The following ACOX1 variants were observed in gnomAD, a reference collection of about 807,000 sequenced individuals.
ACOX1 encodes acyl-CoA oxidase 1.
Under a neutral mutation model 75.5 loss-of-function variants are expected in ACOX1, and 41 were observed. The ratio of observed to expected loss-of-function variants is 0.54; its 90% CI spans 0.42 to 0.70. The LOEUF (loss-of-function observed/expected upper bound fraction) is 0.70, where lower values mean the gene tolerates loss of function less well. ACOX1 is among the 30% of genes least tolerant of loss of function. The probability of loss-of-function intolerance (pLI) is 0.00; values close to 1 mark genes in which losing one functional copy is unlikely to be tolerated. For synonymous variants in ACOX1, 303 were observed against 298.8 expected (o/e 1.01, Z -0.15); for missense variants, 630 against 837.5 (o/e 0.75, Z 3.06).
chr17:75,954,520 CAAAAA>C (rs1166502215), intron 6 of ACOX1, among the ~76,000 whole-genome samples: 1 of 57,650 alleles, frequency 1.7e-5, no homozygotes, highest in Non-Finnish European at 3.2e-5. Flanking sequence ...CTCTCTCTCT[CAAAAA>C]AAAAAAAAAG....
rs955751549 is a variant in ACOX1, at chr17:75,946,660, T to C, written c.*88A>G. 2 of 1,101,336 alleles carry C rather than the reference T, an allele frequency of 1.8e-6. No individual in the cohort carries two copies. Among genetic ancestry groups the C allele is most frequent in the South Asian group, 1.3e-5 (1 of 78,234 alleles). The allele number at this position is 1,101,336 out of a possible 1,614,324, so 68.2% of individuals were successfully genotyped here. On this transcript the variant is annotated 3_prime_UTR_variant, in exon 14 of 14. Transcript: ENST00000293217. ...AGGGGTCAATTTATCATTTGCTCTA[T>C]AGCTATTTGAATTCGAAAAAGATTC...
chr17:75,976,247 T>C (rs1482944461), intron 2 of ACOX1, among the ~76,000 whole-genome samples: 1 of 152,216 alleles, frequency 6.6e-6, no homozygotes, highest in African/African-American at 2.4e-5. Context: ...TGAAAAATGA[T>C]ACACAAAACA....
At chr17:75,965,337 C>CAAAAAAAAAAAAAAAAAAAAAAAA (rs11293371) in intron 2 of ACOX1, among the ~76,000 whole-genome samples, 15 of 81,702 alleles carry the variant, frequency 1.8e-4, no homozygotes, top group Non-Finnish European at 2.3e-4. Flanking sequence ...GACTCTGTCT[C>CAAAAAAAAAAAAAAAAAAAAAAAA]AAAAAAAAAA....
chr17:75,941,842 C>G lies in ACOX1; in HGVS notation c.*4906G>C, dbSNP rs1168320710. The G allele has an allele frequency of 6.6e-6, 1 of 152,182 alleles. No individual in the cohort carries two copies. Among genetic ancestry groups the G allele is most frequent in the Admixed American group, 6.6e-5 (1 of 15,264 alleles). The allele number at this position is 152,182 out of a possible 1,614,324, so 9.4% of individuals were successfully genotyped here. A position where few individuals can be genotyped will look rare whatever the true frequency, so the allele number is the denominator to read the frequency against. On this transcript the variant is annotated 3_prime_UTR_variant, in exon 14 of 14. Transcript: ENST00000293217. ...GAATCCATAACTGGAAATAAAAAGG[C>G]ATTTATGAAGTGTAGTCCGCAGTCT...
intron 2 of ACOX1, chr17:75,973,863 T>TGGGA: frequency 6.7e-7 from 1 of 1,498,694 alleles, no homozygotes; most frequent in South Asian, 1.2e-5. Flanking sequence ...CAAACAGCTT[T>TGGGA]GGCCTTCAAG....
At chr17:75,962,412 T>C (rs757852124) in intron 2 of ACOX1, among the ~76,000 whole-genome samples, 17 of 152,236 alleles carry the variant, frequency 1.1e-4, no homozygotes, top group Admixed American at 7.2e-4. Flanking sequence ...AGTCGTTCTA[T>C]AGGCCTTTGC....
chr17:75,945,019 T>C lies in ACOX1; in HGVS notation c.*1729A>G, dbSNP rs1422296499. On this transcript the variant is annotated 3_prime_UTR_variant, in exon 14 of 14. Coordinates refer to ENST00000293217, the MANE Select transcript of ACOX1 (RefSeq NM_004035.7). ...CTTCGGCCTCCCAAAGTGCTTGGAT[T>C]ACAGGCGTGAGCCACCACGCCTGGC... 2 of 152,180 alleles carry C rather than the reference T, an allele frequency of 1.3e-5. No individual in the cohort carries two copies. Among genetic ancestry groups the C allele is most frequent in the Non-Finnish European group, 2.9e-5 (2 of 68,044 alleles). The allele number at this position is 152,180 out of a possible 1,614,324, so 9.4% of individuals were successfully genotyped here.
intron 2 of ACOX1, among the ~76,000 whole-genome samples, chr17:75,976,036 C>T (rs1340236149): frequency 6.6e-6 from 1 of 152,190 alleles, no homozygotes. Context: ...TTCTTTCTTT[C>T]TTAGTGGTAC....
chr17:75,949,866 A>T lies in ACOX1; in HGVS notation c.1330T>A (p.Ser444Thr). 6.2e-7 allele frequency: 1 copy of T among 1,614,224 alleles called. No homozygotes were observed. The highest frequency in any genetic ancestry group is 8.5e-7 in the Non-Finnish European group (1 of 1,180,034). The change falls in exon 10 of 14, where the codon TCA becomes ACA. Residue 444 changes from serine (S) to threonine (T), a missense_variant. Ser to Thr is a moderately conservative substitution (Grantham distance 58, BLOSUM62 1). This residue lies in a region of ACOX1 where 240 missense variants were observed against 262.7 expected (regional missense o/e 0.91). Transcript: ENST00000293217. ...FLMKSYDQVH[S>T]GKLVCGMVSY... ...ACCATGCCACACACCAACTTTCCTG[A>T]GTGCACCTGATCATAACTTTTCATC...
intron 2 of ACOX1, among the ~76,000 whole-genome samples, chr17:75,975,161 C>CT (rs915668566): frequency 1.2e-4 from 18 of 148,216 alleles, no homozygotes; most frequent in African/African-American, 3.0e-4. Flanking sequence ...CCCGCCATTT[C>CT]TTTTTTTTTC....
chr17:75,965,741 G>A (rs901256102), intron 2 of ACOX1, among the ~76,000 whole-genome samples: 1 of 152,052 alleles, frequency 6.6e-6, no homozygotes, highest in Non-Finnish European at 1.5e-5. Flanking sequence ...ACTGAGGCAG[G>A]AGGATCCCTT....
At position 75,954,407 on chromosome 17, in the gene ACOX1, C is replaced by T. The variant is rs1238602489; in HGVS notation, c.775-787G>A. Among the ~76,000 whole-genome samples the T allele has an allele frequency of 2.7e-5, 4 of 149,332 alleles. No homozygotes were observed. In the East Asian group the frequency reaches 8.1e-4, roughly 30 times the overall value. ...GTGTGGTGGCGCATGCCTGTAATCC[C>T]AGCTACTTGGGAGGCTGAGGCAGGA... On this transcript the variant is annotated intron_variant, in intron 6 of 13. Coordinates refer to ENST00000293217, the MANE Select transcript of ACOX1 (RefSeq NM_004035.7).
In ACOX1 at chr17:75,944,149, A is replaced by G. The variant is rs1287683813; in HGVS notation, c.*2599T>C. The G allele has an allele frequency of 1.3e-5, 2 of 152,186 alleles. No individual in the cohort carries two copies. Among genetic ancestry groups the G allele is most frequent in the African/African-American group, 4.8e-5 (2 of 41,436 alleles). The allele number at this position is 152,186 out of a possible 1,614,324, so 9.4% of individuals were successfully genotyped here. A position where few individuals can be genotyped will look rare whatever the true frequency, so the allele number is the denominator to read the frequency against. On this transcript the variant is annotated 3_prime_UTR_variant, in exon 14 of 14. Coordinates refer to ENST00000293217, the MANE Select transcript of ACOX1 (RefSeq NM_004035.7). ...CTCAGGAGACTGAGGAGGGAGGACCATTTGAACCCGGGAGGCAGAGGTCAC... is the reference window on the plus strand; with the variant it reads ...CTCAGGAGACTGAGGAGGGAGGACCGTTTGAACCCGGGAGGCAGAGGTCAC...
rs964418217 is a variant in ACOX1 at position 75,978,383 on chromosome 17, G to A, written c.269+151C>T. The A allele has an allele frequency of 2.2e-5, 23 of 1,055,832 alleles. No individual in the cohort carries two copies. Among genetic ancestry groups the A allele is most frequent in the Non-Finnish European group, 3.2e-5 (23 of 712,930 alleles). 65.4% of individuals were successfully genotyped at this position (1,055,832 alleles called of 1,614,324 possible). A position where few individuals can be genotyped will look rare whatever the true frequency, so the allele number is the denominator to read the frequency against. ...GCTGGGATTACAGGCGTGAGCCACC[G>A]CGCCCGGCCACACATATAACTTTAT... is the stretch of plus-strand genomic sequence containing the variant. On this transcript the variant is annotated intron_variant, in intron 2 of 13. Coordinates refer to ENST00000293217, the MANE Select transcript of ACOX1 (RefSeq NM_004035.7). This position sits in a 1 kb window ranked among gnomAD's most constrained non-coding sequence, Gnocchi z 4.2.
Position 75,957,538 on chromosome 17 carries a change from T to C in ACOX1, c.459A>G (p.Thr153=). The change falls in exon 4 of 14, where the codon ACA becomes ACG. Residue 153 remains threonine, a synonymous_variant. Coordinates refer to ENST00000293217, the MANE Select transcript of ACOX1 (RefSeq NM_004035.7). ...CCTGGGTTTCAGGGTCATACGTGGC[T>C]GTGGTTTCCAAGCCTCGAAGGTGAG... ...HGTHLRGLET[T]ATYDPETQEF... 6.2e-7 allele frequency: 1 copy of C among 1,614,166 alleles called. No individual in the cohort carries two copies. Among genetic ancestry groups the C allele is most frequent in the East Asian group, 2.2e-5 (1 of 44,892 alleles).
chr17:75,949,470 G>A (rs917625172), intron 11 of ACOX1, 25 bp downstream of exon 11: 1 of 1,612,422 alleles, frequency 6.2e-7, no homozygotes, highest in Non-Finnish European at 8.5e-7. Context: ...GCAGGGAAGG[G>A]GAAAAAGAGA....
At chr17:75,961,348 G>A (rs1298745963) in intron 2 of ACOX1, among the ~76,000 whole-genome samples, 2 of 150,076 alleles carry the variant, frequency 1.3e-5, no homozygotes, top group African/African-American at 2.5e-5. Flanking sequence ...GGCCAGGCAT[G>A]GTGGCTCATG....
intron 2 of ACOX1, among the ~76,000 whole-genome samples, chr17:75,964,178 C>CAA (rs60919786): frequency 4.7e-5 from 4 of 84,496 alleles, no homozygotes; most frequent in Admixed American, 1.3e-4. Flanking sequence ...GACTCCATCT[C>CAA]AAAAAAAAAA....
chr17:75,967,661 C>T (rs375567111), intron 2 of ACOX1, among the ~76,000 whole-genome samples: 7 of 93,290 alleles, frequency 7.5e-5, no homozygotes, highest in African/African-American at 4.9e-4. Context: ...TATATACATA[C>T]ATATATATAC....
Sources: allele counts gnomAD v4.1 joint callset (sites outside exome capture counted in the v4.1 genomes callset), GRCh38; gene constraint gnomAD v4.1.1; regional missense constraint gnomAD v4.1.1; non-coding constraint Gnocchi (gnomAD v3.1); transcripts MANE v1.5; gene names NCBI Gene and HGNC (gene_info 2026-07-23, HGNC 2026-07-21).